ME1: variants seen among roughly 807,000 people sequenced by gnomAD.
ME1 encodes the protein malic enzyme 1, also known as NADP-dependent malic enzyme.
ME1 carries 74 observed loss-of-function variants against 66.4 expected under a neutral mutation model. The ratio of observed to expected loss-of-function variants is 1.11; its 90% CI spans 0.92 to 1.35. The LOEUF is 1.35. ME1 is among the 40% of genes most tolerant of loss of function. The pLI, the probability that ME1 is intolerant of heterozygous loss-of-function variation, is 0.00. For synonymous variants in ME1, 251 were observed against 235.6 expected (o/e 1.07, Z -0.60); for missense variants, 750 against 694.1 (o/e 1.08, Z -0.90).
chr6:83,363,563 T>C (rs1484270658), intron 3 of ME1, among the ~76,000 whole-genome samples: 1 of 152,100 alleles, frequency 6.6e-6, no homozygotes, highest in East Asian at 1.9e-4. Flanking sequence ...GAGGTTTGGG[T>C]CACTCCACCA....
intron 6 of ME1, among the ~76,000 whole-genome samples, chr6:83,292,468 T>C (rs1443950937): frequency 1.3e-5 from 2 of 152,188 alleles, no homozygotes; most frequent in African/African-American, 2.4e-5. Context: ...ACAGCAAATA[T>C]TGCTGCCTGA....
intron 5 of ME1, among the ~76,000 whole-genome samples, chr6:83,327,441 G>C (rs1241784688): frequency 6.6e-6 from 1 of 152,120 alleles, no homozygotes; most frequent in Non-Finnish European, 1.5e-5. Context: ...CGCACCTAGG[G>C]GTAGGTCTCT....
At chr6:83,315,523 C>A in intron 5 of ME1, 110 bp from the exon 6 acceptor site, 1 of 650,032 alleles carries the variant, frequency 1.5e-6, no homozygotes, top group South Asian at 2.0e-5. Flanking sequence ...AAAATCTTAC[C>A]ATACTGATTC....
intron 3 of ME1, among the ~76,000 whole-genome samples, chr6:83,375,760 TATGTTCCATCA>T (rs1214128134): frequency 1.3e-5 from 2 of 152,178 alleles, no homozygotes; most frequent in Non-Finnish European, 2.9e-5. Context: ...TATTTTGAGA[TATGTTCCATCA>T]ATACTTAGTT....
chr6:83,353,360 T>G (rs1456595399), intron 3 of ME1, among the ~76,000 whole-genome samples: 1 of 152,224 alleles, frequency 6.6e-6, no homozygotes, highest in African/African-American at 2.4e-5. Context: ...ATGGTGATAT[T>G]CCAATTGTAT....
At chr6:83,316,231 T>C (rs1484811833) in intron 5 of ME1, among the ~76,000 whole-genome samples, 1 of 152,224 alleles carries the variant, frequency 6.6e-6, no homozygotes, top group Non-Finnish European at 1.5e-5. Flanking sequence ...TTCTTAAATT[T>C]TTTAACTTTA....
intron 6 of ME1, among the ~76,000 whole-genome samples, chr6:83,254,199 A>C (rs1348343313): frequency 6.6e-6 from 1 of 152,136 alleles, no homozygotes; most frequent in Non-Finnish European, 1.5e-5. Flanking sequence ...AAGCAAAATA[A>C]CTGAGCTGAA....
intron 7 of ME1, among the ~76,000 whole-genome samples, chr6:83,249,454 T>C (rs1790684477): frequency 6.6e-6 from 1 of 152,142 alleles, no homozygotes; most frequent in Admixed American, 6.5e-5. Context: ...CTCGAACTCC[T>C]GACTTCGTGA....
At chr6:83,314,625 A>G (rs1441895724) in intron 6 of ME1, among the ~76,000 whole-genome samples, 2 of 152,218 alleles carry the variant, frequency 1.3e-5, no homozygotes, top group African/African-American at 4.8e-5. Flanking sequence ...GATTTATATG[A>G]AACATAAATA....
intron 1 of ME1, among the ~76,000 whole-genome samples, chr6:83,429,132 G>T (rs1030775923): frequency 6.6e-6 from 1 of 152,088 alleles, no homozygotes; most frequent in South Asian, 2.1e-4. Flanking sequence ...GCATGGTGGC[G>T]GGCGCTTGTA....
intron 1 of ME1, among the ~76,000 whole-genome samples, chr6:83,409,958 A>G (rs760844520): frequency 1.3e-5 from 2 of 152,182 alleles, no homozygotes; most frequent in African/African-American, 2.4e-5. Flanking sequence ...GTCTGGACCA[A>G]TCATCCTCTC....
chr6:83,277,317 C>T (rs1326816436), intron 6 of ME1, among the ~76,000 whole-genome samples: 1 of 152,102 alleles, frequency 6.6e-6, no homozygotes, highest in Non-Finnish European at 1.5e-5. Context: ...AAACTCAATG[C>T]CTTTTGAATC....
At chr6:83,403,363 A>G (rs1430113711) in intron 2 of ME1, among the ~76,000 whole-genome samples, 1 of 152,214 alleles carries the variant, frequency 6.6e-6, no homozygotes, top group East Asian at 1.9e-4. Flanking sequence ...TAGGCCAGGA[A>G]GTTCAAGGTC....
At position 83,250,645 on chromosome 6, in the gene ME1, G is replaced by T. The variant is rs1351520817; in HGVS notation, c.814+2984C>A. The stretch of plus-strand genomic sequence containing the variant: ...TTCTAACTTCACTGGCACTTTCTTA[G>T]AGCAAGATGCCACCATCATAGATTT... On this transcript the variant is annotated intron_variant, in intron 7 of 13. Coordinates refer to ENST00000369705, the MANE Select transcript of ME1 (RefSeq NM_002395.6). Among the ~76,000 whole-genome samples, 8 of 152,210 alleles carry T rather than the reference G, an allele frequency of 5.3e-5. No homozygotes were observed. In the East Asian group the frequency reaches 1.5e-3, roughly 29 times the overall value.
At chr6:83,344,320 T>C (rs1344926701) in intron 5 of ME1, among the ~76,000 whole-genome samples, 2 of 150,714 alleles carry the variant, frequency 1.3e-5, no homozygotes, top group Non-Finnish European at 3.0e-5. Flanking sequence ...AATTCTAACA[T>C]TTTTGCATGT....
At position 83,244,192 on chromosome 6, in the gene ME1, A is replaced by T. The variant is rs546639980; in HGVS notation, c.815-4556T>A. On this transcript the variant is annotated intron_variant, in intron 7 of 13. Coordinates refer to ENST00000369705, the MANE Select transcript of ME1 (RefSeq NM_002395.6). ...AAAATCTTTTCTGTGGAATCTCAGCAGTGTAAGAGAAGGAATCCAAAGAGA... is the reference window on the plus strand; with the variant it reads ...AAAATCTTTTCTGTGGAATCTCAGCTGTGTAAGAGAAGGAATCCAAAGAGA... 1.7e-4 allele frequency among the ~76,000 whole-genome samples: 26 copies of T among 152,154 alleles called. No homozygotes were observed. In the South Asian group the frequency reaches 5.4e-3, roughly 32 times the overall value.
rs191967619 is a variant in ME1, at chr6:83,399,295, C to G, written c.213-779G>C. Reference sequence around the variant, plus strand: ...ACAGGCATGAGCCACCGCACCCAGACAAGAAATACTCTTAAATATTGCAAA... The same window carrying G: ...ACAGGCATGAGCCACCGCACCCAGAGAAGAAATACTCTTAAATATTGCAAA... On this transcript the variant is annotated intron_variant, in intron 2 of 13. Transcript: ENST00000369705. Among the ~76,000 whole-genome samples, 1,029 of 152,206 alleles carry G rather than the reference C, an allele frequency of 6.8e-3. 9 individuals carry two copies. Among genetic ancestry groups the G allele is most frequent in the Non-Finnish European group, 0.01 (702 of 68,018 alleles).
rs1292613638 is a variant in ME1 at position 83,327,872 on chromosome 6, G to A, written c.601-12459C>T. On this transcript the variant is annotated intron_variant, in intron 5 of 13. Transcript: ENST00000369705. The stretch of plus-strand genomic sequence containing the variant: ...ATGTGATGTCTCCCCCGGATGCCCA[G>A]CTTTAAAATTTCTCTCTTCTGTACT... 2.6e-5 allele frequency among the ~76,000 whole-genome samples: 4 copies of A among 152,088 alleles called. No individual in the cohort carries two copies. In the South Asian group the frequency reaches 8.3e-4, roughly 31 times the overall value.
At chr6:83,382,158 AT>A (rs1185710058) in intron 3 of ME1, among the ~76,000 whole-genome samples, 28 of 151,866 alleles carry the variant, frequency 1.8e-4, no homozygotes, top group Non-Finnish European at 4.4e-5. Flanking sequence ...ATTGTTTATC[AT>A]TGTCCTCTGT....
Sources: allele counts gnomAD v4.1 joint callset (sites outside exome capture counted in the v4.1 genomes callset), GRCh38; gene constraint gnomAD v4.1.1; transcripts MANE v1.5; gene names NCBI Gene and HGNC (gene_info 2026-07-23, HGNC 2026-07-21).